Variants in ZC3H12B observed in about 807,000 individuals in gnomAD.
The protein encoded by ZC3H12B is probable ribonuclease ZC3H12B.
A neutral mutation model predicts 43.9 loss-of-function variants in ZC3H12B; 7 were observed. That is an observed-to-expected ratio of 0.16 (90% CI 0.09 to 0.30). ZC3H12B has a LOEUF of 0.30. ZC3H12B is among the 10% of genes least tolerant of loss of function. ZC3H12B has a pLI of 1.00. For missense variants in ZC3H12B, 475 were observed against 670.2 expected, an observed-to-expected ratio of 0.71 and a Z score of 3.22; for synonymous variants, 222 against 241.7, an observed-to-expected ratio of 0.92 and a Z score of 0.76.
chrX:65,266,100 A>C, the ZC3H12B span, among the ~76,000 whole-genome samples: 2 of 111,793 alleles, frequency 1.8e-5, no homozygotes, highest in Non-Finnish European at 3.8e-5. Flanking sequence ...AAAAAGCTCC[A>C]GAAAATTGGT....
the ZC3H12B span, among the ~76,000 whole-genome samples, chrX:65,128,738 A>C: frequency 2.7e-5 from 3 of 112,147 alleles, no homozygotes; most frequent in Admixed American, 9.4e-5. Context: ...TCTATTATTT[A>C]GTGCATTCAC....
intron 3 of ZC3H12B, among the ~76,000 whole-genome samples, chrX:65,461,169 C>T (rs1236811588): frequency 1.8e-5 from 2 of 112,117 alleles, no homozygotes; most frequent in African/African-American, 6.5e-5. Context: ...CCATCTCACA[C>T]CACTTAGAAT....
chrX:65,316,982 G>T, the ZC3H12B span, among the ~76,000 whole-genome samples: 2 of 111,129 alleles, frequency 1.8e-5, no homozygotes, highest in East Asian at 2.8e-4. Context: ...ACAGAAAATT[G>T]CAGGGGTTGC....
At chrX:65,061,467 T>C in the ZC3H12B span, among the ~76,000 whole-genome samples, 33 of 112,556 alleles carry the variant, frequency 2.9e-4, no homozygotes, top group Non-Finnish European at 6.0e-4. Context: ...GTTTCCAGTT[T>C]CATCCATGTT....
At chrX:65,306,157 T>C in the ZC3H12B span, among the ~76,000 whole-genome samples, 9 of 112,286 alleles carry the variant, frequency 8.0e-5, no homozygotes, top group African/African-American at 2.9e-4. Flanking sequence ...CCTGTGATAA[T>C]TGCAAATCCG....
chrX:65,293,375 C>T, the ZC3H12B span, among the ~76,000 whole-genome samples: 15 of 110,787 alleles, frequency 1.4e-4, no homozygotes, highest in South Asian at 3.9e-4. Flanking sequence ...CCCAGATCTT[C>T]GCTCTGACAT....
the ZC3H12B span, among the ~76,000 whole-genome samples, chrX:65,344,789 G>A: frequency 8.9e-6 from 1 of 111,943 alleles, no homozygotes; most frequent in Non-Finnish European, 1.9e-5. Context: ...CCTACAAATG[G>A]GAGAACATTT....
chrX:65,246,304 A>T, the ZC3H12B span, among the ~76,000 whole-genome samples: 2 of 112,388 alleles, frequency 1.8e-5, no homozygotes, highest in Admixed American at 9.5e-5. Context: ...ATAGATAGGA[A>T]TAATCAATAT....
At chrX:65,154,327 G>A in the ZC3H12B span, among the ~76,000 whole-genome samples, 21 of 111,647 alleles carry the variant, frequency 1.9e-4, no homozygotes, top group African/African-American at 6.9e-4. Context: ...TACTACCTTT[G>A]CATTTATTAC....
At chrX:65,200,262 G>T in the ZC3H12B span, among the ~76,000 whole-genome samples, 1 of 110,732 alleles carries the variant, frequency 9.0e-6, no homozygotes, top group Non-Finnish European at 1.9e-5. Flanking sequence ...CTTTTGAGAA[G>T]TGTCTGTGCA....
intron 3 of ZC3H12B, among the ~76,000 whole-genome samples, chrX:65,481,515 C>G (rs2068063476): frequency 9.0e-6 from 1 of 111,302 alleles, no homozygotes; most frequent in Non-Finnish European, 1.9e-5. Flanking sequence ...GAAGGTTTCT[C>G]ACTATACTAA....
At chrX:65,482,811 C>T (rs1454873929) in intron 3 of ZC3H12B, among the ~76,000 whole-genome samples, 1 of 111,773 alleles carries the variant, frequency 8.9e-6, no homozygotes, top group Non-Finnish European at 1.9e-5. Flanking sequence ...GAAAAATGAG[C>T]CCCTGTTCAA....
the ZC3H12B span, among the ~76,000 whole-genome samples, chrX:65,256,835 A>G: frequency 3.3e-4 from 37 of 112,449 alleles, no homozygotes; most frequent in South Asian, 8.5e-3. Flanking sequence ...TATGCAGCCA[A>G]CAGACACAAG....
chrX:65,040,920 A>G, the ZC3H12B span, among the ~76,000 whole-genome samples: 2 of 110,563 alleles, frequency 1.8e-5, no homozygotes, highest in African/African-American at 6.6e-5. Flanking sequence ...GAGCAGCTGG[A>G]ACTACAGGTG....
At chrX:65,256,845 G>C in the ZC3H12B span, among the ~76,000 whole-genome samples, 1 of 111,542 alleles carries the variant, frequency 9.0e-6, no homozygotes, top group African/African-American at 3.3e-5. Context: ...ACAGACACAA[G>C]AAAAAAATGC....
chrX:65,373,975 A>ATATATATAAC (rs1556058148), intron 2 of ZC3H12B, among the ~76,000 whole-genome samples: 1 of 48,097 alleles, frequency 2.1e-5, no homozygotes, highest in Admixed American at 3.6e-4. Flanking sequence ...TATATAGTAT[A>ATATATATAAC]TATATATACT....
the ZC3H12B span, chrX:65,328,196 A>C: frequency 4.3e-6 from 1 of 234,835 alleles, no homozygotes; most frequent in Non-Finnish European, 8.6e-6. Flanking sequence ...ATACACTTGG[A>C]ACATGGCTGC....
intron 3 of ZC3H12B, among the ~76,000 whole-genome samples, chrX:65,415,524 T>C (rs145231300): frequency 9.5e-4 from 107 of 112,436 alleles, no homozygotes; most frequent in African/African-American, 3.2e-3. Context: ...CTACAAACAG[T>C]CTGTTTCATC....
intron 3 of ZC3H12B, among the ~76,000 whole-genome samples, chrX:65,416,637 A>G (rs1277862307): frequency 9.2e-6 from 1 of 109,164 alleles, no homozygotes; most frequent in African/African-American, 3.3e-5. Flanking sequence ...AAAAAAAAAA[A>G]AAATTAGCCA....
Sources: gnomAD v4.1 joint callset for allele counts (sites outside exome capture counted in the v4.1 genomes callset) on GRCh38, gnomAD v4.1.1 for gene constraint, MANE v1.5 for transcripts, NCBI Gene and HGNC (gene_info 2026-07-23, HGNC 2026-07-21) for gene names.